CTNNA2: variants seen among roughly 807,000 people sequenced by gnomAD.
CTNNA2 encodes the protein catenin alpha-2.
CTNNA2 carries 42 observed loss-of-function variants against 101.0 expected under a neutral mutation model. That is an observed-to-expected ratio of 0.42 (90% CI 0.32 to 0.54). The LOEUF (loss-of-function observed/expected upper bound fraction) is 0.54, where lower values mean the gene tolerates loss of function less well. Ranked by LOEUF, CTNNA2 falls within the 20% of genes least tolerant of loss-of-function variation. The pLI is 0.14. For synonymous variants in CTNNA2, 450 were observed against 456.4 expected (o/e 0.99, Z 0.18); for missense variants, 871 against 1,223.1 (o/e 0.71, Z 4.29).
At chr2:80,187,942 G>A (rs990199997) in intron 7 of CTNNA2, among the ~76,000 whole-genome samples, 2 of 151,916 alleles carry the variant, frequency 1.3e-5, no homozygotes, top group African/African-American at 4.8e-5. Flanking sequence ...GTATAGGTTA[G>A]ACAGAGTATG....
At chr2:80,471,032 T>A (rs115973272) in intron 9 of CTNNA2, among the ~76,000 whole-genome samples, 2,287 of 151,736 alleles carry the variant, frequency 0.015, 58 homozygotes, top group African/African-American at 0.051. Flanking sequence ...TAACTTGGAG[T>A]GATGTGCAGA....
intron 12 of CTNNA2, chr2:80,572,669 C>T (rs1694702787): frequency 6.6e-6 from 1 of 152,164 alleles, no homozygotes; most frequent in South Asian, 2.1e-4. Flanking sequence ...CTCAAATAGT[C>T]TGAGTTTAAT....
intron 7 of CTNNA2, among the ~76,000 whole-genome samples, chr2:80,255,488 A>G (rs1672074872): frequency 6.6e-6 from 1 of 152,148 alleles, no homozygotes; most frequent in African/African-American, 2.4e-5. Context: ...ATATTTTATA[A>G]TGCTGATTTC....
intron 1 of CTNNA2, among the ~76,000 whole-genome samples, chr2:79,606,316 G>A (rs1168786235): frequency 1.3e-5 from 2 of 152,192 alleles, no homozygotes; most frequent in African/African-American, 2.4e-5. Context: ...CACCCAGGCT[G>A]GAGTGAAGTG....
chr2:80,416,935 A>G (rs2149402715), intron 8 of CTNNA2, among the ~76,000 whole-genome samples: 1 of 152,042 alleles, frequency 6.6e-6, no homozygotes, highest in African/African-American at 2.4e-5. Context: ...TTTGGCATAA[A>G]TCTTTACTAT....
At position 80,303,719 on chromosome 2, in the gene CTNNA2, G is replaced by A. The variant is rs921691242; in HGVS notation, c.1057-89492G>A. Reference sequence around the variant, plus strand: ...CAGCTGCGGGCACCCGCTGGGGGCGGCGGGCAGCATCTGAAAGCAGGCCCC... The same window carrying A: ...CAGCTGCGGGCACCCGCTGGGGGCGACGGGCAGCATCTGAAAGCAGGCCCC... On this transcript the variant is annotated intron_variant, in intron 7 of 18. Coordinates refer to ENST00000402739, the MANE Select transcript of CTNNA2 (RefSeq NM_001282597.3). This position sits in a 1 kb window ranked among gnomAD's most constrained non-coding sequence, Gnocchi z 7.7. The A allele has an allele frequency of 1.2e-6, 2 of 1,606,816 alleles. No homozygotes were observed. The highest frequency in any genetic ancestry group is 1.7e-5 in the Admixed American group (1 of 59,520).
At chr2:80,407,349 G>A (rs1052622484) in intron 8 of CTNNA2, among the ~76,000 whole-genome samples, 1 of 152,202 alleles carries the variant, frequency 6.6e-6, no homozygotes, top group Admixed American at 6.5e-5. Flanking sequence ...GAAATAGCCA[G>A]AGATTGCAGT....
At chr2:80,014,962 G>A (rs1036497828) in intron 7 of CTNNA2, among the ~76,000 whole-genome samples, 1 of 152,158 alleles carries the variant, frequency 6.6e-6, no homozygotes, top group African/African-American at 2.4e-5. Flanking sequence ...ATGATGTGGG[G>A]TGGTCAAAAT....
At chr2:80,271,956 T>C (rs567204011) in intron 7 of CTNNA2, among the ~76,000 whole-genome samples, 4 of 152,356 alleles carry the variant, frequency 2.6e-5, no homozygotes, top group African/African-American at 9.6e-5. Flanking sequence ...GAGTGCTTTC[T>C]GCCTTGTAGG....
At chr2:79,314,286 G>T (rs1676447232) in intron 3 of CTNNA2, among the ~76,000 whole-genome samples, 1 of 152,158 alleles carries the variant, frequency 6.6e-6, no homozygotes, top group Admixed American at 6.5e-5. Context: ...TGCAGAAGTA[G>T]AAGGTATCTC....
chr2:79,572,090 C>T (rs187233950), intron 1 of CTNNA2, among the ~76,000 whole-genome samples: 5 of 152,150 alleles, frequency 3.3e-5, no homozygotes, highest in East Asian at 1.9e-4. Flanking sequence ...TTTGTATTGA[C>T]GTTTAATTTT....
intron 1 of CTNNA2, among the ~76,000 whole-genome samples, chr2:79,536,551 A>G (rs973065061): frequency 4.8e-5 from 7 of 144,640 alleles, no homozygotes; most frequent in Non-Finnish European, 6.1e-5. Context: ...GTTAGCATAT[A>G]TACACCTAAA....
At chr2:79,745,300 G>A (rs1051743364) in intron 3 of CTNNA2, among the ~76,000 whole-genome samples, 3 of 151,878 alleles carry the variant, frequency 2.0e-5, no homozygotes, top group African/African-American at 4.8e-5. Context: ...GCATGGCAGC[G>A]TGCGCCTGTA....
intron 7 of CTNNA2, among the ~76,000 whole-genome samples, chr2:79,974,769 A>T (rs1410927683): frequency 6.6e-6 from 1 of 152,208 alleles, no homozygotes; most frequent in Non-Finnish European, 1.5e-5. Context: ...AATTATAAAC[A>T]AATAAAACAT....
rs1675451937 is a variant in CTNNA2, at chr2:79,571,422, C to T, written c.-6+58215C>T. On this transcript the variant is annotated intron_variant, in intron 1 of 18. Transcript: ENST00000402739. ...AGATACCCAGAGTGTGCTGTCAATACCTGGAATGACAGGGAGCATCCTAAG... is the reference window on the plus strand; with the variant it reads ...AGATACCCAGAGTGTGCTGTCAATATCTGGAATGACAGGGAGCATCCTAAG... 2.6e-5 allele frequency among the ~76,000 whole-genome samples: 4 copies of T among 152,260 alleles called. No homozygotes were observed. In the South Asian group the frequency reaches 8.3e-4, roughly 32 times the overall value.
At chr2:79,840,799 C>T (rs1211925666) in intron 3 of CTNNA2, among the ~76,000 whole-genome samples, 2 of 147,034 alleles carry the variant, frequency 1.4e-5, no homozygotes, top group African/African-American at 5.1e-5. Flanking sequence ...GAGTCTCGCT[C>T]TTTCGCCCAG....
chr2:79,873,267 A>C (rs1196758377), intron 5 of CTNNA2, among the ~76,000 whole-genome samples: 1 of 152,140 alleles, frequency 6.6e-6, no homozygotes, highest in African/African-American at 2.4e-5. Flanking sequence ...TGGCCCATGC[A>C]ATCAATTTAC....
Position 79,818,225 on chromosome 2 carries a change from A to G in CTNNA2, c.299-39788A>G, listed in dbSNP as rs569887378. ...CACTTTCATATTATTCATTTTTCAT[A>G]ATTTAATATTACCAAAGATAGTGCA... On this transcript the variant is annotated intron_variant, in intron 3 of 18. Transcript: ENST00000402739. 4.6e-5 allele frequency among the ~76,000 whole-genome samples: 7 copies of G among 152,286 alleles called. No individual in the cohort carries two copies. The South Asian group carries it at 1.5e-3, about 32-fold the overall frequency.
chr2:79,476,701 AT>A (rs1296198153), intron 4 of CTNNA2, among the ~76,000 whole-genome samples: 2 of 152,020 alleles, frequency 1.3e-5, no homozygotes, highest in Non-Finnish European at 2.9e-5. Flanking sequence ...TACTTCTCTG[AT>A]TTTAGTTTGT....
Sources: gnomAD v4.1 joint callset for allele counts (sites outside exome capture counted in the v4.1 genomes callset) on GRCh38, gnomAD v4.1.1 for gene constraint, Gnocchi (gnomAD v3.1) non-coding constraint, MANE v1.5 for transcripts, NCBI Gene and HGNC (gene_info 2026-07-23, HGNC 2026-07-21) for gene names.